FBXL4: variants seen among roughly 807,000 people sequenced by gnomAD.
FBXL4 encodes the protein F-box/LRR-repeat protein 4.
A neutral mutation model predicts 58.9 loss-of-function variants in FBXL4; 40 were observed. That is an observed-to-expected ratio of 0.68 (90% confidence interval 0.53 to 0.88). FBXL4 has a LOEUF of 0.88. FBXL4 is among the 40% of genes least tolerant of loss of function. FBXL4 has a pLI of 0.00. For missense variants in FBXL4, 676 were observed against 734.4 expected, an observed-to-expected ratio of 0.92 and a Z score of 0.92; for synonymous variants, 263 against 265.5, an observed-to-expected ratio of 0.99 and a Z score of 0.09.
At chr6:98,879,106 T>G (rs1291482857) in intron 8 of FBXL4, among the ~76,000 whole-genome samples, 2 of 152,196 alleles carry the variant, frequency 1.3e-5, no homozygotes, top group African/African-American at 4.8e-5. Context: ...TGCCAAATCT[T>G]GAGGCATTTC....
chr6:98,902,175 G>C (rs2128391060), intron 6 of FBXL4, among the ~76,000 whole-genome samples: 1 of 152,178 alleles, frequency 6.6e-6, no homozygotes. Flanking sequence ...AAGTATAAAA[G>C]AGAAGAATTA....
At chr6:98,934,608 T>C (rs1049488195) in intron 2 of FBXL4, among the ~76,000 whole-genome samples, 154 bp downstream of exon 2, 1 of 152,190 alleles carries the variant, frequency 6.6e-6, no homozygotes, top group African/African-American at 2.4e-5. Context: ...AATCTAACAG[T>C]GTCAGCATGG....
At chr6:98,923,218 T>C (rs1293481204) in intron 4 of FBXL4, among the ~76,000 whole-genome samples, 1 of 151,962 alleles carries the variant, frequency 6.6e-6, no homozygotes, top group East Asian at 1.9e-4. Context: ...TATTGCATCC[T>C]TGCTTGATTT....
chr6:98,908,186 C>T (rs1222112538), intron 5 of FBXL4, among the ~76,000 whole-genome samples: 1 of 152,172 alleles, frequency 6.6e-6, no homozygotes, highest in Non-Finnish European at 1.5e-5. Context: ...CCTCTCTACA[C>T]TCAGTTCTAA....
chr6:98,880,636 G>T lies in FBXL4; in HGVS notation c.1318-12C>A, dbSNP rs1379012579. The T allele has an allele frequency of 3.7e-6, 6 of 1,611,550 alleles. No homozygotes were observed. The highest frequency in any genetic ancestry group is 5.1e-6 in the Non-Finnish European group (6 of 1,177,964). On this transcript the variant is annotated splice_polypyrimidine_tract_variant and intron_variant, in intron 7 of 9. Coordinates refer to ENST00000369244, the MANE Select transcript of FBXL4 (RefSeq NM_001278716.2). ...AGCAGTGCTGTTTGCTGCCATTAGG[G>T]ACCACATCAGAGGCAAATATGGAAA...
chr6:98,877,163 G>A (rs1263360477), intron 8 of FBXL4, among the ~76,000 whole-genome samples: 3 of 152,080 alleles, frequency 2.0e-5, no homozygotes, highest in Non-Finnish European at 4.4e-5. Flanking sequence ...AGATATAGAG[G>A]TAATGATTTC....
At chr6:98,923,520 G>A (rs1772663267) in intron 4 of FBXL4, among the ~76,000 whole-genome samples, 1 of 152,116 alleles carries the variant, frequency 6.6e-6, no homozygotes, top group African/African-American at 2.4e-5. Context: ...ACGTTCAAAT[G>A]TGCTGTTGTC....
intron 7 of FBXL4, among the ~76,000 whole-genome samples, chr6:98,888,719 T>C (rs1387898783): frequency 6.6e-6 from 1 of 152,198 alleles, no homozygotes; most frequent in African/African-American, 2.4e-5. Flanking sequence ...TTTGTAATTT[T>C]CAAACAAAGG....
intron 4 of FBXL4, among the ~76,000 whole-genome samples, chr6:98,923,093 T>C (rs1772645415): frequency 6.6e-6 from 1 of 152,094 alleles, no homozygotes; most frequent in African/African-American, 2.4e-5. Context: ...CCTAGAAGAT[T>C]GACAGTCCCC....
intron 1 of FBXL4, among the ~76,000 whole-genome samples, chr6:98,945,903 G>A (rs1773603876): frequency 6.6e-6 from 1 of 152,068 alleles, no homozygotes; most frequent in African/African-American, 2.4e-5. Flanking sequence ...AGCAACAGAA[G>A]GGATTTATTT....
chr6:98,916,836 A>G (rs1185352105), intron 5 of FBXL4, among the ~76,000 whole-genome samples: 1 of 151,612 alleles, frequency 6.6e-6, no homozygotes, highest in Non-Finnish European at 1.5e-5. Flanking sequence ...AAACTAAAAA[A>G]AAAAAAAAGT....
chr6:98,875,771 C>T (rs1770641120), intron 8 of FBXL4, 44 bp from the exon 9 acceptor site: 5 of 1,570,488 alleles, frequency 3.2e-6, no homozygotes, highest in Admixed American at 1.7e-5. Context: ...TATGCTCAGA[C>T]ATGCAAACTG....
At chr6:98,940,400 G>T (rs2128412557) in intron 1 of FBXL4, among the ~76,000 whole-genome samples, 1 of 152,272 alleles carries the variant, frequency 6.6e-6, no homozygotes, top group Non-Finnish European at 1.5e-5. Context: ...TTTCCAAAGT[G>T]GCTGTAGCAT....
intron 5 of FBXL4, among the ~76,000 whole-genome samples, chr6:98,915,286 C>G (rs1002386791): frequency 1.3e-5 from 2 of 152,064 alleles, no homozygotes; most frequent in African/African-American, 4.8e-5. Context: ...ATCAAGCTAC[C>G]AATGAATTTC....
chr6:98,874,897 G>T (rs1467659052), intron 9 of FBXL4, among the ~76,000 whole-genome samples: 1 of 152,180 alleles, frequency 6.6e-6, no homozygotes, highest in Admixed American at 6.5e-5. Flanking sequence ...ATTACACAGG[G>T]TTCCTTTCTG....
At chr6:98,936,449 G>T (rs1355962153) in intron 1 of FBXL4, among the ~76,000 whole-genome samples, 2 of 152,134 alleles carry the variant, frequency 1.3e-5, no homozygotes, top group East Asian at 3.9e-4. Flanking sequence ...AACTGTGTGG[G>T]TCCACTTATA....
chr6:98,881,587 G>C (rs1770854835), intron 7 of FBXL4, among the ~76,000 whole-genome samples: 2 of 152,004 alleles, frequency 1.3e-5, no homozygotes, highest in Non-Finnish European at 2.9e-5. Context: ...AAAACATTTG[G>C]TCAAATCCCA....
chr6:98,908,393 A>T (rs1771896783), intron 5 of FBXL4, among the ~76,000 whole-genome samples: 1 of 152,196 alleles, frequency 6.6e-6, no homozygotes, highest in African/African-American at 2.4e-5. Context: ...CGTTTCATAG[A>T]AGTGACATAA....
intron 6 of FBXL4, among the ~76,000 whole-genome samples, chr6:98,904,222 T>A (rs1349444960): frequency 6.6e-6 from 1 of 152,146 alleles, no homozygotes; most frequent in East Asian, 1.9e-4. Context: ...ATATGTGTGT[T>A]TGGGGCAAAG....
Sources: gnomAD v4.1 joint callset for allele counts (sites outside exome capture counted in the v4.1 genomes callset) on GRCh38, gnomAD v4.1.1 for gene constraint, MANE v1.5 for transcripts, NCBI Gene and HGNC (gene_info 2026-07-23, HGNC 2026-07-21) for gene names.